The following WWP2 variants were observed in gnomAD, a reference collection of about 807,000 sequenced individuals.
The protein encoded by WWP2 is NEDD4-like E3 ubiquitin-protein ligase WWP2.
Under a neutral mutation model 121.0 loss-of-function variants are expected in WWP2, and 57 were observed. The observed-to-expected ratio is 0.47, with a 90% confidence interval of 0.38 to 0.59. The LOEUF (loss-of-function observed/expected upper bound fraction) is 0.59, where lower values mean the gene tolerates loss of function less well. WWP2 is among the 20% of genes least tolerant of loss of function. The pLI, the probability that WWP2 is intolerant of heterozygous loss-of-function variation, is 0.00. For missense variants in WWP2, 962 were observed against 1,158.9 expected (o/e 0.83, Z 2.47); for synonymous variants, 449 against 441.3 (o/e 1.02, Z -0.22).
At chr16:69,833,201 T>A (rs1337298172) in intron 4 of WWP2, among the ~76,000 whole-genome samples, 1 of 152,246 alleles carries the variant, frequency 6.6e-6, no homozygotes, top group Non-Finnish European at 1.5e-5. Context: ...CCAAACAAGA[T>A]TGATATATCT....
At chr16:69,906,366 C>G (rs2058293529) in intron 8 of WWP2, among the ~76,000 whole-genome samples, 1 of 152,124 alleles carries the variant, frequency 6.6e-6, no homozygotes, top group African/African-American at 2.4e-5. Context: ...GCCACCGCAC[C>G]CGGCCTTACG....
intron 7 of WWP2, among the ~76,000 whole-genome samples, chr16:69,872,730 G>T (rs1485639416): frequency 6.6e-6 from 1 of 152,208 alleles, no homozygotes; most frequent in African/African-American, 2.4e-5. Context: ...TTGGGGGTGT[G>T]CAGGGGCCAT....
At position 69,794,157 on chromosome 16, in the gene WWP2, A is replaced by G. The variant is rs368680621; in HGVS notation, c.71-4525A>G. Among the ~76,000 whole-genome samples the G allele has an allele frequency of 1.2e-3, 178 of 152,090 alleles. 1 individual carries two copies. The highest frequency in any genetic ancestry group is 2.2e-3 in the Non-Finnish European group (151 of 67,962). ...GGTTTCAAACTCCTGGTCTCAAGTG[A>G]TCTACCTCCCTTAGCCTCCCAAAGT... On this transcript the variant is annotated intron_variant, in intron 2 of 23. Coordinates refer to ENST00000359154, the MANE Select transcript of WWP2 (RefSeq NM_001270454.2).
At chr16:69,823,853 A>G (rs2056636248) in intron 4 of WWP2, among the ~76,000 whole-genome samples, 1 of 152,176 alleles carries the variant, frequency 6.6e-6, no homozygotes, top group Non-Finnish European at 1.5e-5. Flanking sequence ...TTATATTTGT[A>G]CAGTTCTAGA....
At chr16:69,903,682 C>T (rs535349218) in intron 8 of WWP2, among the ~76,000 whole-genome samples, 45 of 150,872 alleles carry the variant, frequency 3.0e-4, no homozygotes, top group African/African-American at 1.0e-3. Context: ...GCAGGGGAAT[C>T]GGTTGAACCC....
chr16:69,939,003 G>C (rs1283080163), intron 21 of WWP2, 24 bp from the exon 22 acceptor site: 2 of 1,584,418 alleles, frequency 1.3e-6, no homozygotes, highest in South Asian at 2.3e-5. Flanking sequence ...TTGCCTGACT[G>C]TGCCTTGACT....
At chr16:69,918,312 T>C (rs7190057) in intron 10 of WWP2, among the ~76,000 whole-genome samples, 7,618 of 152,196 alleles carry the variant, frequency 0.05, 291 homozygotes, top group African/African-American at 0.092. Context: ...CCTGCTACTG[T>C]TTTTTGTTAG....
intron 7 of WWP2, among the ~76,000 whole-genome samples, chr16:69,876,322 G>A (rs1417026417): frequency 6.7e-6 from 1 of 148,590 alleles, no homozygotes; most frequent in African/African-American, 2.5e-5. Flanking sequence ...CTTATAAAAT[G>A]TATTTGGTTT....
chr16:69,814,726 G>A (rs1266018219), intron 4 of WWP2, among the ~76,000 whole-genome samples: 1 of 152,178 alleles, frequency 6.6e-6, no homozygotes, highest in Non-Finnish European at 1.5e-5. Flanking sequence ...AGTCATGAGC[G>A]GTGGGCCTCC....
intron 16 of WWP2, chr16:69,933,309 C>T (rs1359661574): frequency 2.2e-5 from 8 of 357,434 alleles, no homozygotes; most frequent in South Asian, 8.2e-5. Context: ...GCCTGAGGCT[C>T]GCACCCAGGG....
intron 5 of WWP2, among the ~76,000 whole-genome samples, chr16:69,840,481 A>C (rs1389028091): frequency 6.6e-6 from 1 of 152,202 alleles, no homozygotes; most frequent in Non-Finnish European, 1.5e-5. Context: ...TAAATATGTA[A>C]TTGTTTGGTT....
At chr16:69,772,757 C>G (rs977550531) in intron 1 of WWP2, among the ~76,000 whole-genome samples, 1 of 152,032 alleles carries the variant, frequency 6.6e-6, no homozygotes, top group East Asian at 1.9e-4. Context: ...TTCCCTGTTT[C>G]AGCCAGTCTT....
At chr16:69,793,702 T>G (rs2055962571) in intron 2 of WWP2, among the ~76,000 whole-genome samples, 1 of 152,082 alleles carries the variant, frequency 6.6e-6, no homozygotes, top group Admixed American at 6.6e-5. Context: ...CAACCTTAGG[T>G]TCTGCAATAG....
rs2058876848 is a variant in WWP2 at position 69,941,277 on chromosome 16, C to T, written c.*1337C>T. On this transcript the variant is annotated 3_prime_UTR_variant, in exon 24 of 24. Transcript: ENST00000359154. ...GCTGGGGCAGTAGTCATGGCAGACT[C>T]CCGGCCTGGGCCCCCAGGATTCTAG... 1 of 153,022 alleles carries T rather than the reference C, an allele frequency of 6.5e-6. No homozygotes were observed. Among genetic ancestry groups the T allele is most frequent in the Admixed American group, 6.5e-5 (1 of 15,268 alleles). 9.5% of individuals were successfully genotyped at this position (153,022 alleles called of 1,614,324 possible). A position where few individuals can be genotyped will look rare whatever the true frequency, so the allele number is the denominator to read the frequency against.
chr16:69,939,010 G>A lies in WWP2; in HGVS notation c.2344-17G>A. ...CCCGTGGGTTGCCTGACTGTGCCTTGACTTGCGGACTTCCAGGTGGTGAAG... is the reference window on the plus strand; with the variant it reads ...CCCGTGGGTTGCCTGACTGTGCCTTAACTTGCGGACTTCCAGGTGGTGAAG... On this transcript the variant is annotated splice_polypyrimidine_tract_variant and intron_variant, in intron 21 of 23. Coordinates refer to ENST00000359154, the MANE Select transcript of WWP2 (RefSeq NM_001270454.2). 1 of 1,589,914 alleles carries A rather than the reference G, an allele frequency of 6.3e-7. No homozygotes were observed.
At chr16:69,900,582 G>A (rs979293779) in intron 8 of WWP2, among the ~76,000 whole-genome samples, 1 of 151,848 alleles carries the variant, frequency 6.6e-6, no homozygotes, top group Admixed American at 6.6e-5. Flanking sequence ...GAGTGCAGTG[G>A]TGCGATCTCA....
At chr16:69,909,726 A>G in intron 9 of WWP2, 3 of 976,516 alleles carry the variant, frequency 3.1e-6, no homozygotes, top group Non-Finnish European at 3.7e-6. Context: ...AAACAACAAA[A>G]AAACAGGTTA....
intron 7 of WWP2, among the ~76,000 whole-genome samples, chr16:69,874,546 A>G (rs1030217783): frequency 5.9e-5 from 9 of 152,306 alleles, no homozygotes; most frequent in African/African-American, 1.9e-4. Context: ...TCACAACCAT[A>G]AAGTATCCAT....
rs1479901590 is a variant in WWP2, at chr16:69,936,728, A to C, written c.2117+276A>C. 5.7e-6 allele frequency: 3 copies of C among 525,894 alleles called. No individual in the cohort carries two copies. The African/African-American group carries it at 5.7e-5, about 10-fold the overall frequency. 32.6% of individuals were successfully genotyped at this position (525,894 alleles called of 1,614,324 possible). A position where few individuals can be genotyped will look rare whatever the true frequency, so the allele number is the denominator to read the frequency against. On this transcript the variant is annotated intron_variant, in intron 19 of 23. Coordinates refer to ENST00000359154, the MANE Select transcript of WWP2 (RefSeq NM_001270454.2). ...TTCTTTGAAGTGGCATCAAGCTGAG[A>C]CATCTGCATCTTTCTCCGGGCCGAA... is the stretch of plus-strand genomic sequence containing the variant.
Sources: allele counts gnomAD v4.1 joint callset (sites outside exome capture counted in the v4.1 genomes callset), GRCh38; gene constraint gnomAD v4.1.1; transcripts MANE v1.5; gene names NCBI Gene and HGNC (gene_info 2026-07-23, HGNC 2026-07-21).